GLI3: variants seen among roughly 807,000 people sequenced by gnomAD.
The protein encoded by GLI3 is GLI family zinc finger 3, also known as transcription activator GLI3.
A neutral mutation model predicts 100.8 loss-of-function variants in GLI3; 20 were observed. That is an observed-to-expected ratio of 0.20 (90% CI 0.14 to 0.29). GLI3 has a LOEUF of 0.29. Among genes scored for constraint, GLI3 ranks in the 10% least tolerant of loss-of-function variants. The pLI is 1.00. For missense variants in GLI3, 2,040 were observed against 2,128.5 expected (o/e 0.96, Z 0.82); for synonymous variants, 938 against 860.5 (o/e 1.09, Z -1.58).
At chr7:42,161,043 G>C (rs58817379) in intron 2 of GLI3, among the ~76,000 whole-genome samples, 178 of 152,256 alleles carry the variant, frequency 1.2e-3, no homozygotes, top group African/African-American at 4.1e-3. Flanking sequence ...TTTCTACAGT[G>C]ACTTGAGACA....
intron 1 of GLI3, 139 bp from the exon 2 acceptor site, chr7:42,223,434 G>T: frequency 1.9e-6 from 1 of 535,638 alleles, no homozygotes; most frequent in Non-Finnish European, 3.3e-6. Context: ...TTCTCCACAG[G>T]TTTTCTGGCA....
chr7:42,184,351 C>G (rs1339403453), intron 2 of GLI3, among the ~76,000 whole-genome samples: 1 of 152,232 alleles, frequency 6.6e-6, no homozygotes, highest in African/African-American at 2.4e-5. Flanking sequence ...GTGGCTGCAC[C>G]TTCAGGTGTC....
intron 10 of GLI3, among the ~76,000 whole-genome samples, chr7:42,002,078 GCA>G (rs895552820): frequency 8.3e-5 from 10 of 120,338 alleles, no homozygotes; most frequent in Middle Eastern, 3.9e-3. Context: ...ACACACACAC[GCA>G]CACACACACA....
upstream of GLI3, among the ~76,000 whole-genome samples, chr7:42,241,715 G>A (rs1005343035): frequency 2.0e-5 from 3 of 152,160 alleles, no homozygotes; most frequent in African/African-American, 7.2e-5. Context: ...TCACCTTGGA[G>A]ATGTAGCTAT....
At position 41,965,220 on chromosome 7, in the gene GLI3, G is replaced by T. The variant is rs1787129115; in HGVS notation, c.3853C>A (p.Pro1285Thr). 2 of 1,613,942 alleles carry T rather than the reference G, an allele frequency of 1.2e-6. No individual in the cohort carries two copies. Among genetic ancestry groups the T allele is most frequent in the Non-Finnish European group, 1.7e-6 (2 of 1,180,036 alleles). Residue 1285 changes from proline (P) to threonine (T), a missense_variant, in exon 15 of 15, where the codon CCC becomes ACC. Around this residue, in one of 5 missense-constraint regions of GLI3, gnomAD observed 1,041 missense variants for 924.0 expected, o/e 1.13. Transcript: ENST00000395925. ...GIQASKLKST[P>T]MQGSGGQLNF... ...AGCTGGCCCCCGCTCCCTTGCATGG[G>T]GGTGCTCTTCAGCTTTGAGGCTTGA... is the stretch of plus-strand genomic sequence containing the variant.
intron 1 of GLI3, among the ~76,000 whole-genome samples, chr7:42,244,393 C>T (rs1463964038): frequency 6.6e-6 from 1 of 152,200 alleles, no homozygotes; most frequent in Non-Finnish European, 1.5e-5. Flanking sequence ...ACATGTAGTG[C>T]CTTCCTATAG....
chr7:42,197,673 G>A (rs1034783869), intron 2 of GLI3, among the ~76,000 whole-genome samples: 3 of 152,204 alleles, frequency 2.0e-5, no homozygotes, highest in African/African-American at 7.2e-5. Flanking sequence ...GCTATGTTCC[G>A]GTCAGCGGGA....
chr7:41,987,095 G>GACACAC (rs1323125464), intron 10 of GLI3, among the ~76,000 whole-genome samples: 61 of 73,316 alleles, frequency 8.3e-4, no homozygotes, highest in African/African-American at 3.0e-3. Flanking sequence ...CACAGACACA[G>GACACAC]ACACAGACAC....
chr7:42,172,720 C>G (rs1181314313), intron 2 of GLI3: 1 of 678,212 alleles, frequency 1.5e-6, no homozygotes, highest in South Asian at 1.6e-5. Flanking sequence ...AGCAGTGGAG[C>G]TGAGAGTTTT....
chr7:42,030,640 T>C (rs1018611625), intron 7 of GLI3, among the ~76,000 whole-genome samples: 3 of 152,042 alleles, frequency 2.0e-5, no homozygotes, highest in Admixed American at 6.5e-5. Context: ...TCCTAAATAG[T>C]TCATGTATTC....
At chr7:42,177,505 G>A (rs1031052198) in intron 2 of GLI3, among the ~76,000 whole-genome samples, 1 of 152,300 alleles carries the variant, frequency 6.6e-6, no homozygotes, top group South Asian at 2.1e-4. Context: ...CTTGGCATAT[G>A]GCAGCGTTGG....
chr7:42,132,259 C>T (rs1786302808), intron 3 of GLI3, among the ~76,000 whole-genome samples: 3 of 151,386 alleles, frequency 2.0e-5, no homozygotes, highest in Admixed American at 2.0e-4. Context: ...CGCCACTACG[C>T]CCGGCTAATT....
At chr7:42,087,012 C>T (rs1281034316) in intron 3 of GLI3, among the ~76,000 whole-genome samples, 1 of 152,158 alleles carries the variant, frequency 6.6e-6, no homozygotes, top group Admixed American at 6.5e-5. Flanking sequence ...GAACTGTCTT[C>T]TTTCCCTCCC....
At chr7:42,143,889 A>T (rs1164675907) in intron 3 of GLI3, among the ~76,000 whole-genome samples, 1 of 152,196 alleles carries the variant, frequency 6.6e-6, no homozygotes, top group Non-Finnish European at 1.5e-5. Flanking sequence ...GAGACCTGAA[A>T]TTTTTTAAAA....
chr7:42,077,420 C>A (rs1017414385), intron 3 of GLI3, among the ~76,000 whole-genome samples: 3 of 150,072 alleles, frequency 2.0e-5, no homozygotes, highest in Admixed American at 2.0e-4. Flanking sequence ...CTTGGCCGGG[C>A]TAGGCCTCCA....
chr7:42,144,560 A>C (rs1198582315), intron 3 of GLI3, among the ~76,000 whole-genome samples: 2 of 152,054 alleles, frequency 1.3e-5, no homozygotes, highest in African/African-American at 4.8e-5. Flanking sequence ...TTAAGCCACA[A>C]AACCTAAAAT....
chr7:42,187,741 A>T (rs1787746010), intron 2 of GLI3, among the ~76,000 whole-genome samples: 1 of 152,120 alleles, frequency 6.6e-6, no homozygotes, highest in Non-Finnish European at 1.5e-5. Context: ...ACAGTGGCTC[A>T]CACCTGTAAT....
At chr7:42,171,558 C>A in intron 2 of GLI3, among the ~76,000 whole-genome samples, 1 of 152,194 alleles carries the variant, frequency 6.6e-6, no homozygotes. Context: ...AGACTTTCCA[C>A]AATGATTATT....
At chr7:42,061,571 G>T (rs1397199645) in intron 4 of GLI3, among the ~76,000 whole-genome samples, 1 of 152,072 alleles carries the variant, frequency 6.6e-6, no homozygotes, top group Non-Finnish European at 1.5e-5. Context: ...CCATAAAGGT[G>T]AAAAAAGTGA....
Sources: gnomAD v4.1 joint callset for allele counts (sites outside exome capture counted in the v4.1 genomes callset) on GRCh38, gnomAD v4.1.1 for gene constraint, gnomAD v4.1.1 regional missense constraint, MANE v1.5 for transcripts, NCBI Gene and HGNC (gene_info 2026-07-23, HGNC 2026-07-21) for gene names.